Variants in EPHA6 observed in about 807,000 individuals in gnomAD.
EPHA6 encodes the protein EPH receptor A6.
A neutral mutation model predicts 112.0 loss-of-function variants in EPHA6; 50 were observed. The observed-to-expected ratio is 0.45, with a 90% CI of 0.36 to 0.56. The LOEUF is 0.56. EPHA6 is among the 20% of genes least tolerant of loss of function. The pLI, the probability that EPHA6 is intolerant of heterozygous loss-of-function variation, is 0.00. For missense variants in EPHA6, 1,280 were observed against 1,417.4 expected (o/e 0.90, Z 1.56); for synonymous variants, 529 against 490.7 (o/e 1.08, Z -1.03).
intron 8 of EPHA6, among the ~76,000 whole-genome samples, chr3:97,475,725 T>TATA (rs1322726203): frequency 6.6e-6 from 1 of 152,124 alleles, no homozygotes; most frequent in African/African-American, 2.4e-5. Flanking sequence ...TTTCCTTTAC[T>TATA]ATAATCAAAT....
At chr3:97,644,168 C>T (rs961510368) in intron 14 of EPHA6, among the ~76,000 whole-genome samples, 1 of 152,052 alleles carries the variant, frequency 6.6e-6, no homozygotes, top group African/African-American at 2.4e-5. Context: ...GGAAACTGAA[C>T]AACCTGCTCC....
At chr3:97,480,510 G>A (rs987580210) in intron 9 of EPHA6, among the ~76,000 whole-genome samples, 4 of 152,132 alleles carry the variant, frequency 2.6e-5, no homozygotes, top group Non-Finnish European at 5.9e-5. Context: ...TTAACCCTGA[G>A]TGGACACAGC....
chr3:97,110,759 C>A lies in EPHA6; in HGVS notation c.1115-115505C>A, dbSNP rs112124839. Among the ~76,000 whole-genome samples, 634 of 152,110 alleles carry A rather than the reference C, an allele frequency of 4.2e-3. 5 individuals carry two copies. The highest frequency in any genetic ancestry group is 0.014 in the African/African-American group (583 of 41,502). On this transcript the variant is annotated intron_variant, in intron 3 of 17. Coordinates refer to ENST00000389672, the MANE Select transcript of EPHA6 (RefSeq NM_001080448.3). ...GGCCAGGCTGGTCTCAAACTCCTCA[C>A]CTCAAGTGATCCACCTGCCTTGGTC...
In EPHA6 at chr3:97,060,683, G is replaced by A. The variant is rs372171426; in HGVS notation, c.1114+72690G>A. Among the ~76,000 whole-genome samples, 27 of 151,888 alleles carry A rather than the reference G, an allele frequency of 1.8e-4. No individual in the cohort carries two copies. In the East Asian group the frequency reaches 4.8e-3, roughly 27 times the overall value. On this transcript the variant is annotated intron_variant, in intron 3 of 17. Transcript: ENST00000389672. Reference sequence around the variant, plus strand: ...TCCCAGCACTTTGGGAGGCCGAGGCGGGCAGATCACGAGGTCAGGAGATCG... The same window carrying A: ...TCCCAGCACTTTGGGAGGCCGAGGCAGGCAGATCACGAGGTCAGGAGATCG...
intron 11 of EPHA6, among the ~76,000 whole-genome samples, chr3:97,583,928 C>T (rs997011055): frequency 6.6e-6 from 1 of 152,054 alleles, no homozygotes; most frequent in African/African-American, 2.4e-5. Context: ...CAAGTTCACT[C>T]GACCCTTCCA....
rs983106405 is a variant in EPHA6, at chr3:97,378,257, C to A, written c.1607-26893C>A. On this transcript the variant is annotated intron_variant, in intron 5 of 17. Transcript: ENST00000389672. ...AAGCCCCAAGCCTTGGCACCTTCCA[C>A]ATGGTTCTGAGGCTGTAGGTGCACA... Among the ~76,000 whole-genome samples, 4 of 152,326 alleles carry A rather than the reference C, an allele frequency of 2.6e-5. No individual in the cohort carries two copies. The East Asian group carries it at 7.7e-4, about 29-fold the overall frequency.
chr3:97,505,555 A>T (rs914245453), intron 10 of EPHA6, among the ~76,000 whole-genome samples: 5 of 152,140 alleles, frequency 3.3e-5, no homozygotes, highest in African/African-American at 7.2e-5. Context: ...TTCATGGTGT[A>T]TATGTGCCAT....
chr3:97,385,304 C>T (rs1025368667), intron 5 of EPHA6, among the ~76,000 whole-genome samples: 1 of 152,126 alleles, frequency 6.6e-6, no homozygotes, highest in African/African-American at 2.4e-5. Context: ...CCAAGTCACT[C>T]AATATACTTA....
intron 5 of EPHA6, among the ~76,000 whole-genome samples, chr3:97,307,690 A>G (rs1245931814): frequency 2.0e-5 from 3 of 150,786 alleles, no homozygotes; most frequent in Admixed American, 6.6e-5. Flanking sequence ...ATGAATCTCC[A>G]TATCTTCAAT....
chr3:97,584,082 A>G (rs1432283831), intron 11 of EPHA6, among the ~76,000 whole-genome samples: 3 of 152,168 alleles, frequency 2.0e-5, no homozygotes, highest in Non-Finnish European at 2.9e-5. Flanking sequence ...TATATTTTTG[A>G]TGCTATTTAT....
At chr3:97,417,473 T>C (rs1282572293) in intron 6 of EPHA6, among the ~76,000 whole-genome samples, 2 of 152,132 alleles carry the variant, frequency 1.3e-5, no homozygotes, top group Non-Finnish European at 2.9e-5. Context: ...ACTTATTGGC[T>C]TTTATAATAA....
At chr3:97,535,696 CAAGATA>C (rs2092754827) in intron 11 of EPHA6, among the ~76,000 whole-genome samples, 1 of 152,004 alleles carries the variant, frequency 6.6e-6, no homozygotes, top group Non-Finnish European at 1.5e-5. Context: ...TAATACTGAT[CAAGATA>C]AAGATGCAGT....
intron 5 of EPHA6, among the ~76,000 whole-genome samples, chr3:97,273,118 G>GT (rs2079949349): frequency 1.3e-5 from 2 of 152,260 alleles, no homozygotes; most frequent in South Asian, 4.1e-4. Flanking sequence ...CCTGGATATG[G>GT]TTTTGTATGA....
At chr3:97,449,738 T>C (rs559689792) in intron 7 of EPHA6, among the ~76,000 whole-genome samples, 1 of 152,230 alleles carries the variant, frequency 6.6e-6, no homozygotes, top group East Asian at 1.9e-4. Context: ...GCGTGTTTTA[T>C]TGAAAGGCCT....
intron 6 of EPHA6, among the ~76,000 whole-genome samples, chr3:97,414,118 A>G (rs2087933058): frequency 6.6e-6 from 1 of 152,102 alleles, no homozygotes. Flanking sequence ...CTTCAATCTG[A>G]AAATCTTAAT....
At chr3:97,192,728 G>A (rs1231205582) in intron 3 of EPHA6, among the ~76,000 whole-genome samples, 1 of 152,088 alleles carries the variant, frequency 6.6e-6, no homozygotes, top group African/African-American at 2.4e-5. Context: ...TTTCCCCAGT[G>A]TTTTCTTTTA....
chr3:97,268,226 T>C (rs1377345335), intron 5 of EPHA6, among the ~76,000 whole-genome samples: 7 of 152,164 alleles, frequency 4.6e-5, no homozygotes, highest in Non-Finnish European at 7.4e-5. Context: ...AAAGCTTTCT[T>C]TTCTAATGAA....
intron 3 of EPHA6, among the ~76,000 whole-genome samples, chr3:97,031,868 C>A (rs2044862224): frequency 6.6e-6 from 1 of 152,092 alleles, no homozygotes; most frequent in Non-Finnish European, 1.5e-5. Context: ...ACTAGTTCAA[C>A]CATTGTGGAA....
intron 14 of EPHA6, among the ~76,000 whole-genome samples, chr3:97,666,893 C>T (rs375059354): frequency 3.9e-5 from 6 of 152,154 alleles, no homozygotes; most frequent in African/African-American, 1.4e-4. Flanking sequence ...ATTTCTTCTT[C>T]AGCTCAACTG....
Sources: gnomAD v4.1 joint callset for allele counts (sites outside exome capture counted in the v4.1 genomes callset) on GRCh38, gnomAD v4.1.1 for gene constraint, MANE v1.5 for transcripts, NCBI Gene and HGNC (gene_info 2026-07-23, HGNC 2026-07-21) for gene names.